The following STON2 variants were observed in gnomAD, a reference collection of about 807,000 sequenced individuals.
The protein encoded by STON2 is stonin 2.
In STON2, 29 loss-of-function variants were observed where a neutral mutation model predicts 65.7. The ratio of observed to expected loss-of-function variants is 0.44; its 90% CI spans 0.33 to 0.60. The LOEUF is 0.60. Among genes scored for constraint, STON2 ranks in the 20% least tolerant of loss-of-function variants. STON2 has a pLI of 0.03. For synonymous variants in STON2, 404 were observed against 414.2 expected (o/e 0.98, Z 0.30); for missense variants, 1,054 against 1,118.1 (o/e 0.94, Z 0.82).
intron 5 of STON2, among the ~76,000 whole-genome samples, chr14:81,281,430 G>C (rs1361717781): frequency 6.6e-6 from 1 of 152,176 alleles, no homozygotes; most frequent in Non-Finnish European, 1.5e-5. Flanking sequence ...CTTCTAATGA[G>C]GCAGCTCTAG....
chr14:81,275,920 C>T (rs192227882), intron 6 of STON2, among the ~76,000 whole-genome samples: 1 of 152,220 alleles, frequency 6.6e-6, no homozygotes, highest in African/African-American at 2.4e-5. Flanking sequence ...AGGATAGCCA[C>T]ATAAGAGAAA....
At chr14:81,333,394 C>T in intron 4 of STON2, 1 of 424,742 alleles carries the variant, frequency 2.4e-6, no homozygotes, top group South Asian at 3.3e-5. Flanking sequence ...GCCAGGGAGG[C>T]TATTCTAAGA....
intron 4 of STON2, chr14:81,333,347 T>C: frequency 1.9e-6 from 1 of 528,336 alleles, no homozygotes; most frequent in Non-Finnish European, 3.5e-6. Context: ...TTCAGATAGT[T>C]ACCATGTCAT....
chr14:81,354,800 T>C (rs1172345240), intron 4 of STON2, among the ~76,000 whole-genome samples: 2 of 152,030 alleles, frequency 1.3e-5, no homozygotes, highest in Non-Finnish European at 2.9e-5. Flanking sequence ...GGGCGGATCA[T>C]GAGGTCAGGA....
rs565759344 is a variant in STON2, at chr14:81,323,001, C to T, written c.742+1016G>A. Among the ~76,000 whole-genome samples the T allele has an allele frequency of 2.0e-4, 30 of 152,250 alleles. No homozygotes were observed. The South Asian group carries it at 4.2e-3, about 21-fold the overall frequency. On this transcript the variant is annotated intron_variant, in intron 5 of 7. Coordinates refer to ENST00000614646, the MANE Select transcript of STON2 (RefSeq NM_001394390.1). ...GCAATTTCTATTGCATTTCCCATAC[C>T]GCCCTCCTATAAAACCCCTTAGCTT...
chr14:81,302,737 G>A (rs1452660398), intron 5 of STON2, among the ~76,000 whole-genome samples: 5 of 152,218 alleles, frequency 3.3e-5, no homozygotes, highest in Non-Finnish European at 7.3e-5. Context: ...CTTGTGCTGT[G>A]CCACAAACAG....
intron 4 of STON2, among the ~76,000 whole-genome samples, chr14:81,338,506 G>A (rs1595368723): frequency 1.3e-5 from 2 of 152,136 alleles, no homozygotes; most frequent in South Asian, 4.1e-4. Context: ...GTAAATATAA[G>A]TACAGTGTTT....
At chr14:81,317,148 G>C (rs776475905) in intron 5 of STON2, among the ~76,000 whole-genome samples, 1 of 152,184 alleles carries the variant, frequency 6.6e-6, no homozygotes, top group African/African-American at 2.4e-5. Flanking sequence ...GAAGGTGAAG[G>C]GGGAGAAGGC....
At chr14:81,332,991 C>T (rs1450942107) in intron 4 of STON2, 2 of 522,126 alleles carry the variant, frequency 3.8e-6, no homozygotes, top group African/African-American at 3.9e-5. Flanking sequence ...CAACTTTGGC[C>T]TTTGCAGTCC....
At chr14:81,376,682 T>A (rs1406881684) in intron 3 of STON2, among the ~76,000 whole-genome samples, 1 of 152,216 alleles carries the variant, frequency 6.6e-6, no homozygotes, top group African/African-American at 2.4e-5. Flanking sequence ...CCAATTTATA[T>A]GTAAAGTCTC....
chr14:81,390,369 T>A (rs1350040426), intron 3 of STON2, among the ~76,000 whole-genome samples: 2 of 152,138 alleles, frequency 1.3e-5, no homozygotes, highest in African/African-American at 4.8e-5. Context: ...TCTTTGAATA[T>A]CCACACCTAG....
intron 3 of STON2, among the ~76,000 whole-genome samples, chr14:81,373,244 C>T (rs1595411055): frequency 6.6e-6 from 1 of 151,920 alleles, no homozygotes; most frequent in East Asian, 1.9e-4. Flanking sequence ...ACAGAAGCAC[C>T]ACAAATCATT....
At position 81,267,902 on chromosome 14, in the gene STON2, G is replaced by A; in HGVS notation, c.*512C>T. On this transcript the variant is annotated 3_prime_UTR_variant, in exon 8 of 8. Transcript: ENST00000614646. ...AATGGAGACACCTCAAAAAGGTCTA[G>A]TAAGACCCAAAGAGGAAATTTGTTT... The A allele has an allele frequency of 1.0e-6, 1 of 985,616 alleles. No homozygotes were observed. The highest frequency in any genetic ancestry group is 1.2e-6 in the Non-Finnish European group (1 of 830,082). 61.1% of individuals were successfully genotyped at this position (985,616 alleles called of 1,614,324 possible). A position where few individuals can be genotyped will look rare whatever the true frequency, so the allele number is the denominator to read the frequency against.
chr14:81,268,189 G>C lies in STON2; in HGVS notation c.*225C>G, dbSNP rs1012168384. 8.8e-7 allele frequency: 1 copy of C among 1,139,912 alleles called. No individual in the cohort carries two copies. The highest frequency in any genetic ancestry group is 1.1e-6 in the Non-Finnish European group (1 of 918,764). 70.6% of individuals were successfully genotyped at this position (1,139,912 alleles called of 1,614,324 possible). A position where few individuals can be genotyped will look rare whatever the true frequency, so the allele number is the denominator to read the frequency against. On this transcript the variant is annotated 3_prime_UTR_variant, in exon 8 of 8. Coordinates refer to ENST00000614646, the MANE Select transcript of STON2 (RefSeq NM_001394390.1). ...ACAGTCAGGTGAACCTCGTGCTTTAGGCATGACCAGAATCAAAGAGCCTCT... is the reference window on the plus strand; with the variant it reads ...ACAGTCAGGTGAACCTCGTGCTTTACGCATGACCAGAATCAAAGAGCCTCT...
intron 5 of STON2, among the ~76,000 whole-genome samples, chr14:81,320,377 GA>G: frequency 6.7e-6 from 1 of 150,294 alleles, no homozygotes; most frequent in Middle Eastern, 3.5e-3. Context: ...TTGATAAGAG[GA>G]GCTGCAAAGT....
chr14:81,341,121 G>A (rs965300954), intron 4 of STON2, among the ~76,000 whole-genome samples: 11 of 152,028 alleles, frequency 7.2e-5, no homozygotes, highest in African/African-American at 2.2e-4. Context: ...GAAAACAGAC[G>A]TTACTTTTCA....
chr14:81,279,729 T>C (rs1023667232), intron 5 of STON2, among the ~76,000 whole-genome samples: 2 of 152,002 alleles, frequency 1.3e-5, no homozygotes, highest in Admixed American at 6.6e-5. Flanking sequence ...AGTGAAGATT[T>C]TGAAAGATTT....
chr14:81,389,568 A>T (rs1383335352), intron 3 of STON2, among the ~76,000 whole-genome samples: 1 of 152,230 alleles, frequency 6.6e-6, no homozygotes, highest in African/African-American at 2.4e-5. Flanking sequence ...TTTAGACAAA[A>T]AGCACGAGAG....
rs1487650145 is a variant in STON2, at chr14:81,266,372, T to C, written c.*2042A>G. Among the ~76,000 whole-genome samples, 1 of 152,238 alleles carries C rather than the reference T, an allele frequency of 6.6e-6. No homozygotes were observed. Among genetic ancestry groups the C allele is most frequent in the East Asian group, 1.9e-4 (1 of 5,198 alleles). Reference sequence around the variant, plus strand: ...TGTTCTTATTTTTGCCCTTTGAAGCTACACAGAATAAATCTAATTCCTCTT... The same window carrying C: ...TGTTCTTATTTTTGCCCTTTGAAGCCACACAGAATAAATCTAATTCCTCTT... On this transcript the variant is annotated 3_prime_UTR_variant, in exon 8 of 8. Coordinates refer to ENST00000614646, the MANE Select transcript of STON2 (RefSeq NM_001394390.1).
Sources: allele counts gnomAD v4.1 joint callset (sites outside exome capture counted in the v4.1 genomes callset), GRCh38; gene constraint gnomAD v4.1.1; transcripts MANE v1.5; gene names NCBI Gene and HGNC (gene_info 2026-07-23, HGNC 2026-07-21).